Variants in ANK2 observed in about 807,000 individuals in gnomAD.
The protein encoded by ANK2 is ankyrin-2.
ANK2 carries 83 observed loss-of-function variants against 360.5 expected under a neutral mutation model. The observed-to-expected ratio is 0.23, with a 90% CI of 0.19 to 0.28. The LOEUF is 0.28. ANK2 is among the 10% of genes least tolerant of loss of function. The probability of loss-of-function intolerance (pLI) is 1.00; values close to 1 mark genes in which losing one functional copy is unlikely to be tolerated. For missense variants in ANK2, 4,201 were observed against 4,795.7 expected (o/e 0.88, Z 3.66); for synonymous variants, 1,740 against 1,759.5 (o/e 0.99, Z 0.28).
intron 36 of ANK2, among the ~76,000 whole-genome samples, chr4:113,348,930 C>G (rs1230467617): frequency 1.3e-5 from 2 of 152,006 alleles, no homozygotes; most frequent in African/African-American, 4.8e-5. Flanking sequence ...GCCCTAAGAC[C>G]AAAGAGTTTG....
At chr4:112,841,591 T>C (rs1250479806) in intron 1 of ANK2, among the ~76,000 whole-genome samples, 1 of 152,140 alleles carries the variant, frequency 6.6e-6, no homozygotes, top group Non-Finnish European at 1.5e-5. Flanking sequence ...GAATGAAGAG[T>C]GAGAGGCTGC....
At chr4:113,342,463 G>A (rs1166463135) in intron 33 of ANK2, among the ~76,000 whole-genome samples, 1 of 152,132 alleles carries the variant, frequency 6.6e-6, no homozygotes, top group African/African-American at 2.4e-5. Context: ...CACTTTGGGA[G>A]GCCGAGGTGG....
At chr4:113,229,979 A>C (rs2099272421) in intron 4 of ANK2, among the ~76,000 whole-genome samples, 1 of 152,054 alleles carries the variant, frequency 6.6e-6, no homozygotes. Context: ...GCCCCATTCC[A>C]CACCCACTCA....
At chr4:113,194,630 CTGATATTT>C (rs1026969078) in intron 2 of ANK2, among the ~76,000 whole-genome samples, 2 of 151,822 alleles carry the variant, frequency 1.3e-5, no homozygotes, top group African/African-American at 4.8e-5. Context: ...TAAAATCTAC[CTGATATTT>C]TTAGCCATTT....
intron 20 of ANK2, among the ~76,000 whole-genome samples, chr4:113,289,049 A>T (rs373302188): frequency 6.6e-6 from 1 of 152,280 alleles, no homozygotes; most frequent in South Asian, 2.1e-4. Flanking sequence ...GCAAGGTTGG[A>T]ACATAACACT....
At position 113,242,185 on chromosome 4, in the gene ANK2, C is replaced by A. The variant is rs113692517; in HGVS notation, c.867C>A (p.Gly289=). 3.1e-6 allele frequency: 5 copies of A among 1,613,702 alleles called. No individual in the cohort carries two copies. The highest frequency in any genetic ancestry group is 4.2e-6 in the Non-Finnish European group (5 of 1,179,820). The part of the protein sequence containing the change: ...TNMVKLLLDR[G]GQIDAKTRDG... Reference sequence around the variant, plus strand: ...TGGTGAAGCTCTTACTGGATCGAGGCGGTCAGATCGATGCCAAAACTAGGG... The same window carrying A: ...TGGTGAAGCTCTTACTGGATCGAGGAGGTCAGATCGATGCCAAAACTAGGG... The change falls in exon 9 of 46, where the codon GGC becomes GGA. Residue 289 remains glycine, a synonymous_variant. Coordinates refer to ENST00000357077, the MANE Select transcript of ANK2 (RefSeq NM_001148.6).
intron 24 of ANK2, among the ~76,000 whole-genome samples, chr4:113,314,282 A>AATTGT (rs1316580714): frequency 1.3e-5 from 2 of 152,174 alleles, no homozygotes; most frequent in African/African-American, 2.4e-5. Flanking sequence ...ATTTATTGAA[A>AATTGT]ATTGTGGATT....
At chr4:112,716,716 G>T in the ANK2 span, among the ~76,000 whole-genome samples, 1 of 152,122 alleles carries the variant, frequency 6.6e-6, no homozygotes, top group Non-Finnish European at 1.5e-5. Context: ...TAGGCTTACA[G>T]CACTGCACCT....
intron 1 of ANK2, among the ~76,000 whole-genome samples, chr4:112,860,817 A>G (rs1038455940): frequency 6.6e-6 from 1 of 151,788 alleles, no homozygotes; most frequent in Admixed American, 6.6e-5. Context: ...GGGCTATTGT[A>G]ATTTGGGGCC....
chr4:112,725,788 AGTT>A, the ANK2 span, among the ~76,000 whole-genome samples: 2 of 152,154 alleles, frequency 1.3e-5, no homozygotes, highest in African/African-American at 4.8e-5. Flanking sequence ...GGGAATGGGA[AGTT>A]GTTGTTTAAT....
chr4:112,783,017 C>T, the ANK2 span, among the ~76,000 whole-genome samples: 3 of 152,242 alleles, frequency 2.0e-5, no homozygotes, highest in South Asian at 6.2e-4. Flanking sequence ...TCAAGTGATT[C>T]TCTTGCTTCA....
chr4:112,944,528 TA>T (rs1442704483), intron 2 of ANK2, among the ~76,000 whole-genome samples: 1 of 152,198 alleles, frequency 6.6e-6, no homozygotes, highest in Non-Finnish European at 1.5e-5. Flanking sequence ...TCCAAGAGTT[TA>T]GGAGCTTATT....
intron 1 of ANK2, among the ~76,000 whole-genome samples, chr4:113,065,952 C>T (rs1016224205): frequency 6.6e-6 from 1 of 152,062 alleles, no homozygotes; most frequent in African/African-American, 2.4e-5. Flanking sequence ...TCTGGTGTCC[C>T]CAGGAAATTA....
the ANK2 span, among the ~76,000 whole-genome samples, chr4:112,721,682 T>C: frequency 6.6e-6 from 1 of 152,070 alleles, no homozygotes; most frequent in East Asian, 1.9e-4. Flanking sequence ...CTAAAGTTAT[T>C]GCTCTTTTCA....
In ANK2 at chr4:113,191,876, C is replaced by G. The variant is rs141277489; in HGVS notation, c.187-4492C>G. On this transcript the variant is annotated intron_variant, in intron 2 of 45. Transcript: ENST00000357077. ...GCTCAGATTTCCTTTTGCCCTGTGCCCGTGTTCTTCACTCTGCCACCGTCC... is the reference window on the plus strand; with the variant it reads ...GCTCAGATTTCCTTTTGCCCTGTGCGCGTGTTCTTCACTCTGCCACCGTCC... Among the ~76,000 whole-genome samples the G allele has an allele frequency of 1.8e-3, 268 of 152,156 alleles. 1 individual carries two copies. Among genetic ancestry groups the G allele is most frequent in the African/African-American group, 6.3e-3 (261 of 41,504 alleles).
chr4:113,037,482 AT>A (rs2061867549), intron 2 of ANK2, among the ~76,000 whole-genome samples: 1 of 151,910 alleles, frequency 6.6e-6, no homozygotes, highest in East Asian at 1.9e-4. Context: ...GGCAAAAGTT[AT>A]TTTTTTGACA....
intron 1 of ANK2, among the ~76,000 whole-genome samples, chr4:113,117,652 C>A (rs979868671): frequency 9.9e-5 from 15 of 151,198 alleles, no homozygotes; most frequent in African/African-American, 3.6e-4. Flanking sequence ...CTTCATTTTT[C>A]TTTTTTTTTG....
chr4:112,800,220 T>G, the ANK2 span, among the ~76,000 whole-genome samples: 1 of 152,236 alleles, frequency 6.6e-6, no homozygotes, highest in Admixed American at 6.5e-5. Context: ...CAGCAGGATA[T>G]GATAGGCCAA....
chr4:113,275,716 TA>T (rs34332693), intron 15 of ANK2, among the ~76,000 whole-genome samples: 26,198 of 141,036 alleles, frequency 0.19, 2,353 homozygotes, highest in East Asian at 0.27. Context: ...TAAAAGTTCT[TA>T]AAAAAAAAAA....
Sources: gnomAD v4.1 joint callset for allele counts (sites outside exome capture counted in the v4.1 genomes callset) on GRCh38, gnomAD v4.1.1 for gene constraint, MANE v1.5 for transcripts, NCBI Gene and HGNC (gene_info 2026-07-23, HGNC 2026-07-21) for gene names.